The following ARL9 variants were observed in gnomAD, a reference collection of about 807,000 sequenced individuals.
The protein encoded by ARL9 is ARF like GTPase 9.
A neutral mutation model predicts 27.0 loss-of-function variants in ARL9; 14 were observed. The observed-to-expected ratio is 0.52, with a 90% CI of 0.34 to 0.81. ARL9 has a LOEUF of 0.81. ARL9 is among the 30% of genes least tolerant of loss of function. The pLI, the probability that ARL9 is intolerant of heterozygous loss-of-function variation, is 0.01. For synonymous variants in ARL9, 106 were observed against 108.7 expected, an observed-to-expected ratio of 0.98 and a Z score of 0.15; for missense variants, 294 against 290.0, an observed-to-expected ratio of 1.01 and a Z score of -0.10.
chr4:56,506,186 CG>C, intron 1 of ARL9, 45 bp downstream of exon 1: 1 of 1,232,666 alleles, frequency 8.1e-7, no homozygotes, highest in Non-Finnish European at 1.0e-6. Flanking sequence ...AGGCTTTTGT[CG>C]GCCGTTCAGA....
At chr4:56,511,675 C>T (rs960382303) in intron 2 of ARL9, among the ~76,000 whole-genome samples, 1 of 152,166 alleles carries the variant, frequency 6.6e-6, no homozygotes, top group East Asian at 1.9e-4. Context: ...AGTGTGCTTG[C>T]TTCTCTGCAA....
intron 2 of ARL9, among the ~76,000 whole-genome samples, chr4:56,516,139 TATTCAATAA>T (rs1721760244): frequency 1.3e-5 from 2 of 152,180 alleles, no homozygotes; most frequent in Admixed American, 6.5e-5. Context: ...CTGGGGAAAC[TATTCAATAA>T]ATGGTGCAGG....
At position 56,511,228 on chromosome 4, in the gene ARL9, G is replaced by A. The variant is rs776583724; in HGVS notation, c.323G>A (p.Gly108Glu). Reference sequence around the variant, plus strand: ...CTAGTGCTGGGCCTGGATGGAGCAGGAAAAACCAGTGTCCTGCACTCTCTA... The same window carrying A: ...CTAGTGCTGGGCCTGGATGGAGCAGAAAAAACCAGTGTCCTGCACTCTCTA... ...QILVLGLDGA[G>E]KTSVLHSLAS... is the part of the protein sequence containing the mutation. The change falls in exon 2 of 4, where the codon GGA becomes GAA. Residue 108 changes from glycine (G) to glutamate (E), a missense_variant. Physicochemically the swap from Gly to Glu is moderately conservative, Grantham distance 98. Transcript: ENST00000640821. 1.1e-5 allele frequency: 17 copies of A among 1,612,110 alleles called. No individual in the cohort carries two copies. The South Asian group carries it at 1.9e-4, about 18-fold the overall frequency.
At position 56,505,988 on chromosome 4, in the gene ARL9, A is replaced by G; in HGVS notation, c.126A>G (p.Gln42=). ...KEVEQKIKQK[Q]EKQERRKGKE... ...TGGAGCAGAAAATTAAACAAAAGCA[A>G]GAGAAGCAGGAGAGGAGAAAGGGAA... Residue 42 remains glutamine, a synonymous_variant, in exon 1 of 4, where the codon CAA becomes CAG. Coordinates refer to ENST00000640821, the MANE Select transcript of ARL9 (RefSeq NM_001363794.2). 8.3e-7 allele frequency: 1 copy of G among 1,208,260 alleles called. No individual in the cohort carries two copies. Among genetic ancestry groups the G allele is most frequent in the Non-Finnish European group, 1.0e-6 (1 of 964,800 alleles). 74.8% of individuals were successfully genotyped at this position (1,208,260 alleles called of 1,614,324 possible). A position where few individuals can be genotyped will look rare whatever the true frequency, so the allele number is the denominator to read the frequency against.
At chr4:56,508,499 T>C (rs1370425196) in intron 1 of ARL9, among the ~76,000 whole-genome samples, 1 of 152,074 alleles carries the variant, frequency 6.6e-6, no homozygotes, top group Admixed American at 6.6e-5. Context: ...TGTCCTGCCT[T>C]ACTTAGCCTC....
intron 2 of ARL9, among the ~76,000 whole-genome samples, chr4:56,513,997 C>G (rs1407816529): frequency 6.6e-6 from 1 of 152,050 alleles, no homozygotes; most frequent in African/African-American, 2.4e-5. Context: ...TGGCAAAACC[C>G]CATCTATACA....
chr4:56,514,003 A>G (rs1327827243), intron 2 of ARL9, among the ~76,000 whole-genome samples: 1 of 152,066 alleles, frequency 6.6e-6, no homozygotes, highest in African/African-American at 2.4e-5. Context: ...AACCCCATCT[A>G]TACAAAAAAT....
chr4:56,518,195 C>T (rs1389621718), intron 2 of ARL9, among the ~76,000 whole-genome samples: 1 of 152,026 alleles, frequency 6.6e-6, no homozygotes, highest in Admixed American at 6.6e-5. Flanking sequence ...ACCACACCGG[C>T]TCATTTTTTA....
chr4:56,506,620 C>T, intron 1 of ARL9: 1 of 985,388 alleles, frequency 1.0e-6, no homozygotes, highest in Non-Finnish European at 1.2e-6. Flanking sequence ...TGTTTTCAGA[C>T]CACCAGTACC....
chr4:56,509,504 A>T (rs1721569116), intron 1 of ARL9, among the ~76,000 whole-genome samples: 1 of 151,050 alleles, frequency 6.6e-6, no homozygotes, highest in African/African-American at 2.4e-5. Flanking sequence ...CTGGACTAGA[A>T]TGCTTCTTTC....
At position 56,505,799 on chromosome 4, in the gene ARL9, G is replaced by GGCCCA. The variant is rs1199109255; in HGVS notation, c.-62_-58dup. 1 of 1,323,576 alleles carries GGCCCA rather than the reference G, an allele frequency of 7.6e-7. No individual in the cohort carries two copies. Among genetic ancestry groups the GGCCCA allele is most frequent in the Non-Finnish European group, 9.6e-7 (1 of 1,040,450 alleles). 82.0% of individuals were successfully genotyped at this position (1,323,576 alleles called of 1,614,324 possible). A position where few individuals can be genotyped will look rare whatever the true frequency, so the allele number is the denominator to read the frequency against. The stretch of plus-strand genomic sequence containing the variant: ...CGTGCACCTCGGGAGCCACACCTGG[G>GGCCCA]GCCCAGAGCCACCGCTCAGCACGCG... On this transcript the variant is annotated 5_prime_UTR_variant, in exon 1 of 4. Coordinates refer to ENST00000640821, the MANE Select transcript of ARL9 (RefSeq NM_001363794.2).
intron 1 of ARL9, chr4:56,506,496 T>G: frequency 9.8e-6 from 5 of 510,276 alleles, no homozygotes; most frequent in Non-Finnish European, 1.3e-5. Context: ...CCTGACCACA[T>G]TTAGAAACCA....
intron 3 of ARL9, 31 bp from the exon 4 acceptor site, chr4:56,523,666 T>C: frequency 1.3e-6 from 2 of 1,572,626 alleles, no homozygotes; most frequent in African/African-American, 1.4e-5. Flanking sequence ...ATAACCAACT[T>C]TGTCCTATTC....
intron 2 of ARL9, among the ~76,000 whole-genome samples, chr4:56,512,286 C>T (rs891522778): frequency 6.6e-6 from 1 of 152,154 alleles, no homozygotes; most frequent in African/African-American, 2.4e-5. Flanking sequence ...TAATTTAAAA[C>T]TCTTCTGTGG....
At chr4:56,516,730 A>C (rs1721778255) in intron 2 of ARL9, among the ~76,000 whole-genome samples, 1 of 152,146 alleles carries the variant, frequency 6.6e-6, no homozygotes, top group Admixed American at 6.6e-5. Flanking sequence ...CAAGGGTTCA[A>C]GACCAGCCTG....
chr4:56,509,645 C>T (rs1279368401), intron 1 of ARL9, among the ~76,000 whole-genome samples: 3 of 151,074 alleles, frequency 2.0e-5, no homozygotes, highest in African/African-American at 7.3e-5. Context: ...AGCAATTCTC[C>T]TGCCTCAGCC....
chr4:56,519,481 TCACCTGTAGTCCCAGCTACTCGGGAGG>T lies in ARL9; in HGVS notation c.618+630_618+656del, dbSNP rs770729562. Among the ~76,000 whole-genome samples, 17 of 152,088 alleles carry T rather than the reference TCACCTGTAGTCCCAGCTACTCGGGAGG, an allele frequency of 1.1e-4. No individual in the cohort carries two copies. The East Asian group carries it at 1.9e-3, about 17-fold the overall frequency. On this transcript the variant is annotated intron_variant, in intron 3 of 3. Transcript: ENST00000640821. ...AAAGATTAGCCGGGCTTAGTGGTGGTCACCTGTAGTCCCAGCTACTCGGGAGGCTGAGGCAGGAGAATGGCGTGAACC... is the reference window on the plus strand; with the variant it reads ...AAAGATTAGCCGGGCTTAGTGGTGGTCTGAGGCAGGAGAATGGCGTGAACC...
chr4:56,515,755 GTGTC>G (rs1721751374), intron 2 of ARL9, among the ~76,000 whole-genome samples: 1 of 152,140 alleles, frequency 6.6e-6, no homozygotes, highest in African/African-American at 2.4e-5. Context: ...AACAAAAAAA[GTGTC>G]TATCTATAAA....
At chr4:56,520,938 G>A (rs747461837) in intron 3 of ARL9, among the ~76,000 whole-genome samples, 4 of 152,162 alleles carry the variant, frequency 2.6e-5, no homozygotes, top group Admixed American at 6.5e-5. Context: ...TGGGCCGGGC[G>A]TGGTGGCTCA....
Sources: gnomAD v4.1 joint callset for allele counts (sites outside exome capture counted in the v4.1 genomes callset) on GRCh38, gnomAD v4.1.1 for gene constraint, MANE v1.5 for transcripts, NCBI Gene and HGNC (gene_info 2026-07-23, HGNC 2026-07-21) for gene names.